The following WDR44 variants were observed in gnomAD, a reference collection of about 807,000 sequenced individuals.
WDR44 encodes the protein WD repeat-containing protein 44.
A neutral mutation model predicts 65.7 loss-of-function variants in WDR44; 9 were observed. The ratio of observed to expected loss-of-function variants is 0.14; its 90% CI spans 0.08 to 0.24. The LOEUF is 0.24. Ranked by LOEUF, WDR44 falls within the 10% of genes least tolerant of loss-of-function variation. The pLI is 1.00. For missense variants in WDR44, 425 were observed against 670.9 expected (o/e 0.63, Z 4.05); for synonymous variants, 220 against 235.2 (o/e 0.94, Z 0.59).
At chrX:118,361,949 T>C (rs2056515969) in intron 1 of WDR44, among the ~76,000 whole-genome samples, 1 of 112,347 alleles carries the variant, frequency 8.9e-6, no homozygotes, top group African/African-American at 3.2e-5. Context: ...GTTAGATTCC[T>C]ACTAGTCAGC....
intron 14 of WDR44, 142 bp downstream of exon 14, chrX:118,436,966 G>A (rs1304602455): frequency 1.8e-6 from 1 of 556,389 alleles, no homozygotes; most frequent in East Asian, 4.3e-5. Flanking sequence ...GTTTCATTTT[G>A]CTTTAGAAAT....
chrX:118,359,279 A>G (rs1015447026), intron 1 of WDR44, among the ~76,000 whole-genome samples: 2 of 112,339 alleles, frequency 1.8e-5, no homozygotes, highest in South Asian at 7.3e-4. Flanking sequence ...AATAGATTTG[A>G]CTTTTATTCT....
chrX:118,433,835 G>A (rs937454824), intron 13 of WDR44, among the ~76,000 whole-genome samples: 1 of 111,944 alleles, frequency 8.9e-6, no homozygotes, highest in Admixed American at 9.6e-5. Flanking sequence ...CTGCCAAGTA[G>A]CATTTTAGCC....
At chrX:118,406,024 C>A (rs1392887763) in intron 9 of WDR44, among the ~76,000 whole-genome samples, 3 of 110,076 alleles carry the variant, frequency 2.7e-5, no homozygotes, top group Non-Finnish European at 5.7e-5. Flanking sequence ...GCCTATAGTC[C>A]CAGCTACTCA....
intron 1 of WDR44, among the ~76,000 whole-genome samples, chrX:118,350,070 TG>T (rs1360331845): frequency 9.0e-6 from 1 of 111,267 alleles, no homozygotes; most frequent in East Asian, 2.8e-4. Context: ...TGAATTGAAC[TG>T]ATACATCTCC....
At chrX:118,351,282 A>G (rs1326644701) in intron 1 of WDR44, among the ~76,000 whole-genome samples, 4 of 112,231 alleles carry the variant, frequency 3.6e-5, no homozygotes, top group Non-Finnish European at 7.5e-5. Flanking sequence ...ATAAAATCTT[A>G]AGTCATGGGA....
chrX:118,431,259 T>C (rs2057207846), intron 12 of WDR44, among the ~76,000 whole-genome samples: 1 of 111,926 alleles, frequency 8.9e-6, no homozygotes, highest in Non-Finnish European at 1.9e-5. Context: ...GTCTGAACTT[T>C]TAAGCCACAA....
At chrX:118,403,910 T>G (rs1471910408) in intron 8 of WDR44, among the ~76,000 whole-genome samples, 1 of 112,106 alleles carries the variant, frequency 8.9e-6, no homozygotes, top group African/African-American at 3.2e-5. Flanking sequence ...TGAGGAAATA[T>G]CTCTTTACTC....
chrX:118,393,406 C>A, intron 4 of WDR44, 135 bp downstream of exon 4: 1 of 645,854 alleles, frequency 1.5e-6, no homozygotes, highest in Non-Finnish European at 2.3e-6. Context: ...ATGGCAAAAC[C>A]CCATCTGAGC....
intron 14 of WDR44, among the ~76,000 whole-genome samples, chrX:118,439,078 G>A (rs778589552): frequency 2.8e-5 from 3 of 108,618 alleles, no homozygotes; most frequent in African/African-American, 1.0e-4. Context: ...GAGCCACTGC[G>A]CCTGGCCCAG....
At chrX:118,387,222 GC>G in intron 2 of WDR44, 117 bp from the exon 3 acceptor site, 1 of 272,407 alleles carries the variant, frequency 3.7e-6, no homozygotes, top group Non-Finnish European at 6.5e-6. Context: ...AGAAATCAAA[GC>G]CCTTTAAGGG....
At chrX:118,438,639 T>C (rs1439574554) in intron 14 of WDR44, among the ~76,000 whole-genome samples, 3 of 109,965 alleles carry the variant, frequency 2.7e-5, no homozygotes, top group Non-Finnish European at 5.7e-5. Context: ...AGACAGGGTA[T>C]TGCCATGTTG....
intron 12 of WDR44, among the ~76,000 whole-genome samples, chrX:118,422,613 A>G (rs1362041636): frequency 9.2e-6 from 1 of 108,911 alleles, no homozygotes; most frequent in East Asian, 2.9e-4. Flanking sequence ...AATTGCTTCA[A>G]CCGGGAGGCG....
chrX:118,423,174 TG>T (rs779820238), intron 12 of WDR44, among the ~76,000 whole-genome samples: 1 of 110,635 alleles, frequency 9.0e-6, no homozygotes, highest in South Asian at 4.0e-4. Flanking sequence ...AATATAAAGT[TG>T]TTTTTTTTTT....
chrX:118,444,642 T>C (rs998555507), intron 19 of WDR44, 148 bp downstream of exon 19: 12 of 713,112 alleles, frequency 1.7e-5, no homozygotes. Flanking sequence ...TCACCCAGGC[T>C]GGAGCGCAGT....
At chrX:118,386,723 G>A (rs1485802104) in intron 2 of WDR44, among the ~76,000 whole-genome samples, 1 of 111,241 alleles carries the variant, frequency 9.0e-6, no homozygotes, top group Non-Finnish European at 1.9e-5. Flanking sequence ...AGTTCTTATC[G>A]TCCATTACAG....
chrX:118,381,408 G>C (rs1415304141), intron 2 of WDR44, among the ~76,000 whole-genome samples: 1 of 109,861 alleles, frequency 9.1e-6, no homozygotes, highest in Admixed American at 9.7e-5. Flanking sequence ...GGCTGAGGTT[G>C]CAGTGAGTCA....
intron 3 of WDR44, among the ~76,000 whole-genome samples, chrX:118,388,733 C>T (rs761708627): frequency 8.9e-6 from 1 of 111,810 alleles, no homozygotes; most frequent in Non-Finnish European, 1.9e-5. Context: ...TATACTATAA[C>T]ACACAGGTGT....
intron 1 of WDR44, among the ~76,000 whole-genome samples, chrX:118,351,183 G>C (rs1234593431): frequency 8.9e-6 from 1 of 112,359 alleles, no homozygotes; most frequent in Non-Finnish European, 1.9e-5. Context: ...AAAATAGCTT[G>C]TCTAAGAACA....
Sources: allele counts gnomAD v4.1 joint callset (sites outside exome capture counted in the v4.1 genomes callset), GRCh38; gene constraint gnomAD v4.1.1; transcripts MANE v1.5; gene names NCBI Gene and HGNC (gene_info 2026-07-23, HGNC 2026-07-21).